MYO18A: variants seen among roughly 807,000 people sequenced by gnomAD.
The protein encoded by MYO18A is myosin XVIIIA.
In MYO18A, 78 loss-of-function variants were observed where a neutral mutation model predicts 235.8. The ratio of observed to expected loss-of-function variants is 0.33; its 90% CI spans 0.28 to 0.40. The LOEUF is 0.40. Among genes scored for constraint, MYO18A ranks in the 10% least tolerant of loss-of-function variants. The pLI is 1.00. For missense variants in MYO18A, 2,215 were observed against 2,699.3 expected (o/e 0.82, Z 3.98); for synonymous variants, 977 against 1,077.8 (o/e 0.91, Z 1.83).
rs1005040080 is a variant in MYO18A at position 29,089,818 on chromosome 17, C to T, written c.5526+143G>A. The T allele has an allele frequency of 1.2e-5, 13 of 1,073,806 alleles. No individual in the cohort carries two copies. In the Admixed American group the frequency reaches 2.7e-4, roughly 22 times the overall value. The allele number at this position is 1,073,806 out of a possible 1,614,324, so 66.5% of individuals were successfully genotyped here. On this transcript the variant is annotated intron_variant, in intron 37 of 41. Coordinates refer to ENST00000527372, the MANE Select transcript of MYO18A (RefSeq NM_078471.4). ...GGCCAGGCAGGGCGGGAGAGAAGCACCTGCCCGTCAGCTGGCCTGGCAGTG... is the reference window on the plus strand; with the variant it reads ...GGCCAGGCAGGGCGGGAGAGAAGCATCTGCCCGTCAGCTGGCCTGGCAGTG...
rs759465360 is a variant in MYO18A at position 29,140,882 on chromosome 17, C to T, written c.1000-18629G>A. 6.6e-6 allele frequency among the ~76,000 whole-genome samples: 1 copy of T among 152,222 alleles called. No homozygotes were observed. Among genetic ancestry groups the T allele is most frequent in the Non-Finnish European group, 1.5e-5 (1 of 68,044 alleles). On this transcript the variant is annotated intron_variant, in intron 2 of 41. Transcript: ENST00000527372. This position sits in a 1 kb window ranked among gnomAD's most constrained non-coding sequence, Gnocchi z 4.2. Reference sequence around the variant, plus strand: ...TGAGAACACCCAAATCATAGGCCTACCCTAGCCATCTAATTACTGCGGCAG... The same window carrying T: ...TGAGAACACCCAAATCATAGGCCTATCCTAGCCATCTAATTACTGCGGCAG...
chr17:29,167,535 G>A (rs1400492413), intron 1 of MYO18A, among the ~76,000 whole-genome samples: 3 of 151,918 alleles, frequency 2.0e-5, no homozygotes, highest in African/African-American at 4.8e-5. Flanking sequence ...AACACAGTGA[G>A]ACCCTATCTC....
chr17:29,156,366 G>T (rs952752401), intron 2 of MYO18A, among the ~76,000 whole-genome samples: 14 of 152,236 alleles, frequency 9.2e-5, no homozygotes, highest in South Asian at 2.1e-4. Context: ...TCCTGTGTGG[G>T]GGCAGGAGGC....
rs1157081032 is a variant in MYO18A, at chr17:29,125,401, T to G, written c.1000-3148A>C. Among the ~76,000 whole-genome samples, 1 of 152,202 alleles carries G rather than the reference T, an allele frequency of 6.6e-6. No individual in the cohort carries two copies. Among genetic ancestry groups the G allele is most frequent in the Non-Finnish European group, 1.5e-5 (1 of 68,022 alleles). ...GACAGCTGCCCAAGAGCAAAGGCAC[T>G]GTGGGCAAACCCTGTGGCCAGCCGT... On this transcript the variant is annotated intron_variant, in intron 2 of 41. Coordinates refer to ENST00000527372, the MANE Select transcript of MYO18A (RefSeq NM_078471.4). The surrounding 1 kb of genome is among the most constrained non-coding windows in gnomAD (Gnocchi z 5.1).
chr17:29,119,639 C>A (rs151104889), intron 7 of MYO18A, among the ~76,000 whole-genome samples: 1 of 150,518 alleles, frequency 6.6e-6, no homozygotes, highest in East Asian at 2.0e-4. Context: ...TCTTGGCTCA[C>A]TGCAACTTCT....
intron 30 of MYO18A, 51 bp downstream of exon 30, chr17:29,094,599 G>A (rs2152767513): frequency 6.3e-7 from 1 of 1,584,754 alleles, no homozygotes; most frequent in South Asian, 1.1e-5. Context: ...CTGTGGGGAT[G>A]GTGGCGGCCT....
At chr17:29,169,491 A>G (rs2068354260) in intron 1 of MYO18A, among the ~76,000 whole-genome samples, 1 of 152,144 alleles carries the variant, frequency 6.6e-6, no homozygotes, top group Admixed American at 6.5e-5. Flanking sequence ...CCTGACAGCC[A>G]GCATTCTCTC....
chr17:29,112,154 G>A (rs2066946816), intron 15 of MYO18A, among the ~76,000 whole-genome samples: 2 of 152,302 alleles, frequency 1.3e-5, no homozygotes, highest in East Asian at 1.9e-4. Context: ...CCGAGCCCGC[G>A]CCCCGAGGCC....
intron 18 of MYO18A, 87 bp from the exon 19 acceptor site, chr17:29,110,188 A>G (rs893593896): frequency 1.6e-5 from 25 of 1,535,190 alleles, no homozygotes; most frequent in African/African-American, 2.7e-5. Context: ...TCCACTGCTC[A>G]CAGGGTAGCA....
chr17:29,141,934 C>T (rs2067747537), intron 2 of MYO18A, among the ~76,000 whole-genome samples: 1 of 152,202 alleles, frequency 6.6e-6, no homozygotes, highest in Non-Finnish European at 1.5e-5. Context: ...GGCCTGGGCA[C>T]TGGGATTTTT....
intron 2 of MYO18A, among the ~76,000 whole-genome samples, chr17:29,153,270 C>T (rs557752033): frequency 6.6e-6 from 1 of 152,164 alleles, no homozygotes; most frequent in African/African-American, 2.4e-5. Context: ...CAGGCACACA[C>T]CACCATGCCC....
chr17:29,150,343 G>A (rs560467907), intron 2 of MYO18A, among the ~76,000 whole-genome samples: 1 of 152,400 alleles, frequency 6.6e-6, no homozygotes, highest in South Asian at 2.1e-4. Flanking sequence ...ACTGGGGCAT[G>A]TGAGTACCTG....
At chr17:29,129,249 G>A (rs768807412) in intron 2 of MYO18A, 1 of 281,238 alleles carries the variant, frequency 3.6e-6, no homozygotes, top group Non-Finnish European at 5.4e-6. Context: ...AGCCCAGCAC[G>A]GGCCAGGAAG....
chr17:29,099,634 C>G lies in MYO18A; in HGVS notation c.3636G>C (p.Lys1212Asn), dbSNP rs757488310. ...GGGAGGGATGTCTCTAGAGCAGCAC[C>G]TTTCTCTTCTTGAAGTGCTGGCGGG... ...YLARQHFKKR[K>N]IQDLAIRCVQ... is the part of the protein sequence containing the mutation. Residue 1212 changes from lysine to asparagine, a missense_variant and splice_region_variant, in exon 22 of 42, where the codon AAG becomes AAC. Physicochemically the swap from Lys to Asn is moderately conservative, Grantham distance 94 (BLOSUM62 0). Coordinates refer to ENST00000527372, the MANE Select transcript of MYO18A (RefSeq NM_078471.4). 6.2e-7 allele frequency: 1 copy of G among 1,613,366 alleles called. No homozygotes were observed. The highest frequency in any genetic ancestry group is 1.3e-5 in the African/African-American group (1 of 75,054).
rs2066485211 is a variant in MYO18A at position 29,094,932 on chromosome 17, C to T, written c.4509+4G>A. 1 of 1,610,534 alleles carries T rather than the reference C, an allele frequency of 6.2e-7. No homozygotes were observed. Among genetic ancestry groups the T allele is most frequent in the Non-Finnish European group, 8.5e-7 (1 of 1,177,224 alleles). On this transcript the variant is annotated splice_donor_region_variant and intron_variant, in intron 29 of 41. Transcript: ENST00000527372. Reference sequence around the variant, plus strand: ...GGGCACAGATGGTGGGTGGCCCTACCCACCTCTAGTTGCTGCTTCAGGCTG... The same window carrying T: ...GGGCACAGATGGTGGGTGGCCCTACTCACCTCTAGTTGCTGCTTCAGGCTG...
At position 29,125,561 on chromosome 17, in the gene MYO18A, A is replaced by G. The variant is rs1452768461; in HGVS notation, c.1000-3308T>C. 6.6e-6 allele frequency among the ~76,000 whole-genome samples: 1 copy of G among 152,232 alleles called. No individual in the cohort carries two copies. Among genetic ancestry groups the G allele is most frequent in the Non-Finnish European group, 1.5e-5 (1 of 68,046 alleles). On this transcript the variant is annotated intron_variant, in intron 2 of 41. Transcript: ENST00000527372. The surrounding 1 kb of genome is among the most constrained non-coding windows in gnomAD (Gnocchi z 5.1). Reference sequence around the variant, plus strand: ...CCTGGGTCTAGAGAGCCAGGTCACCAAAAATAGCGACAGCAACCTTCCTTA... The same window carrying G: ...CCTGGGTCTAGAGAGCCAGGTCACCGAAAATAGCGACAGCAACCTTCCTTA...
chr17:29,158,037 G>T lies in MYO18A; in HGVS notation c.999+7905C>A, dbSNP rs1475500708. On this transcript the variant is annotated intron_variant, in intron 2 of 41. Coordinates refer to ENST00000527372, the MANE Select transcript of MYO18A (RefSeq NM_078471.4). This position sits in a 1 kb window ranked among gnomAD's most constrained non-coding sequence, Gnocchi z 4.3. ...TCAAACTCCTAGGCTCAAGCGATCTGCCCACCTCAGCCTCCCAAAGTGCTG... is the reference window on the plus strand; with the variant it reads ...TCAAACTCCTAGGCTCAAGCGATCTTCCCACCTCAGCCTCCCAAAGTGCTG... Among the ~76,000 whole-genome samples, 1 of 152,064 alleles carries T rather than the reference G, an allele frequency of 6.6e-6. No homozygotes were observed. Among genetic ancestry groups the T allele is most frequent in the African/African-American group, 2.4e-5 (1 of 41,390 alleles).
chr17:29,085,502 TATCCACATGCTGCGTGC>T (rs2066230980), intron 40 of MYO18A, 85 bp downstream of exon 40: 1 of 1,003,528 alleles, frequency 1.0e-6, no homozygotes, highest in African/African-American at 1.6e-5. Flanking sequence ...GGGGAGGCTG[TATCCACATGCTGCGTGC>T]AGCGGCCCCA....
chr17:29,080,148 G>C, intron 41 of MYO18A: 1 of 986,018 alleles, frequency 1.0e-6, no homozygotes, highest in Non-Finnish European at 1.2e-6. Context: ...CTCGCTCCGG[G>C]GGGTCCAGTT....
Sources: allele counts gnomAD v4.1 joint callset (sites outside exome capture counted in the v4.1 genomes callset), GRCh38; gene constraint gnomAD v4.1.1; non-coding constraint Gnocchi (gnomAD v3.1); transcripts MANE v1.5; gene names NCBI Gene and HGNC (gene_info 2026-07-23, HGNC 2026-07-21).